The following RNF180 variants were observed in gnomAD, a reference collection of about 807,000 sequenced individuals.
The protein encoded by RNF180 is E3 ubiquitin-protein ligase RNF180.
A neutral mutation model predicts 59.2 loss-of-function variants in RNF180; 38 were observed. The ratio of observed to expected loss-of-function variants is 0.64; its 90% CI spans 0.50 to 0.84. The LOEUF is 0.84. Among genes scored for constraint, RNF180 ranks in the 40% least tolerant of loss-of-function variants. The probability of loss-of-function intolerance (pLI) is 0.00; values close to 1 mark genes in which losing one functional copy is unlikely to be tolerated. For missense variants in RNF180, 705 were observed against 700.9 expected (o/e 1.01, Z -0.07); for synonymous variants, 262 against 240.3 (o/e 1.09, Z -0.84).
At chr5:64,269,982 A>C (rs6899266) in intron 5 of RNF180, among the ~76,000 whole-genome samples, 6,869 of 151,904 alleles carry the variant, frequency 0.045, 505 homozygotes, top group African/African-American at 0.15. Flanking sequence ...TGCCATTCTG[A>C]TATAAGTTAC....
intron 1 of RNF180, among the ~76,000 whole-genome samples, chr5:64,192,980 A>G (rs1176358860): frequency 6.8e-6 from 1 of 146,472 alleles, no homozygotes; most frequent in Non-Finnish European, 1.5e-5. Flanking sequence ...CAATCCTACC[A>G]TTTGTAAAAT....
chr5:64,279,798 A>G (rs1249415855), intron 5 of RNF180, among the ~76,000 whole-genome samples: 4 of 152,174 alleles, frequency 2.6e-5, no homozygotes, highest in Non-Finnish European at 5.9e-5. Flanking sequence ...CCTCAAAAAT[A>G]TAGTCCATTT....
chr5:64,319,253 A>G (rs962326197), intron 5 of RNF180, among the ~76,000 whole-genome samples: 3 of 152,054 alleles, frequency 2.0e-5, no homozygotes, highest in African/African-American at 7.2e-5. Flanking sequence ...TGTGAAGCAT[A>G]TACCACAATA....
intron 5 of RNF180, among the ~76,000 whole-genome samples, chr5:64,316,049 A>AG (rs1744026451): frequency 6.6e-6 from 1 of 152,146 alleles, no homozygotes; most frequent in Non-Finnish European, 1.5e-5. Flanking sequence ...CACAGTGAAA[A>AG]GGGCAAATAA....
At chr5:64,247,628 G>A (rs998712735) in intron 5 of RNF180, among the ~76,000 whole-genome samples, 2 of 152,120 alleles carry the variant, frequency 1.3e-5, no homozygotes, top group Non-Finnish European at 2.9e-5. Context: ...ACAAATGGAA[G>A]AACATTCCAT....
chr5:64,273,543 T>C (rs1255066524), intron 5 of RNF180, among the ~76,000 whole-genome samples: 1 of 151,714 alleles, frequency 6.6e-6, no homozygotes, highest in Non-Finnish European at 1.5e-5. Flanking sequence ...GAATGTTGTA[T>C]CATAAAGATG....
chr5:64,213,055 T>C (rs1371777544), intron 3 of RNF180, among the ~76,000 whole-genome samples: 2 of 152,228 alleles, frequency 1.3e-5, no homozygotes, highest in African/African-American at 4.8e-5. Flanking sequence ...GAAAATGCAC[T>C]GTCTGATGTA....
At chr5:64,233,356 A>G (rs1742210881) in intron 5 of RNF180, among the ~76,000 whole-genome samples, 1 of 152,246 alleles carries the variant, frequency 6.6e-6, no homozygotes, top group Admixed American at 6.5e-5. Flanking sequence ...TTGGCAGGTT[A>G]GATTTCAGCA....
chr5:64,224,972 G>C (rs1237785953), intron 5 of RNF180, among the ~76,000 whole-genome samples: 2 of 152,186 alleles, frequency 1.3e-5, no homozygotes, highest in Non-Finnish European at 2.9e-5. Flanking sequence ...CCTTGACCTT[G>C]GGCTGCTGGC....
intron 2 of RNF180, among the ~76,000 whole-genome samples, chr5:64,202,422 T>C: frequency 6.6e-6 from 1 of 152,208 alleles, no homozygotes; most frequent in Non-Finnish European, 1.5e-5. Flanking sequence ...TCGTTCCAGT[T>C]TTAAGTTATG....
chr5:64,181,642 A>C (rs1388204528), intron 1 of RNF180, among the ~76,000 whole-genome samples: 1 of 152,166 alleles, frequency 6.6e-6, no homozygotes, highest in African/African-American at 2.4e-5. Context: ...CAGAAAAGTG[A>C]TCATGGGTAG....
At chr5:64,215,419 G>T (rs1752565064) in intron 4 of RNF180, among the ~76,000 whole-genome samples, 1 of 151,922 alleles carries the variant, frequency 6.6e-6, no homozygotes, top group South Asian at 2.1e-4. Context: ...TTCTAGTTTT[G>T]ACTCAATGAA....
intron 7 of RNF180, among the ~76,000 whole-genome samples, chr5:64,348,132 A>G (rs936616099): frequency 4.6e-5 from 7 of 152,096 alleles, no homozygotes; most frequent in Non-Finnish European, 5.9e-5. Flanking sequence ...AATAGATTTT[A>G]TAACATAAAT....
intron 5 of RNF180, among the ~76,000 whole-genome samples, chr5:64,255,750 T>G (rs570976731): frequency 5.3e-5 from 8 of 152,356 alleles, no homozygotes; most frequent in African/African-American, 1.7e-4. Context: ...GTATTTCTAG[T>G]TCCAGATCCC....
chr5:64,344,252 T>TTA (rs1223804165), intron 7 of RNF180, among the ~76,000 whole-genome samples: 3 of 152,034 alleles, frequency 2.0e-5, no homozygotes, highest in South Asian at 2.1e-4. Flanking sequence ...GTATAGAAAA[T>TTA]TATATATATG....
chr5:64,205,028 A>T (rs1412756078), intron 2 of RNF180, among the ~76,000 whole-genome samples: 2 of 152,130 alleles, frequency 1.3e-5, no homozygotes, highest in Non-Finnish European at 2.9e-5. Flanking sequence ...AGCCCTGACC[A>T]TTGCCAGGAA....
intron 7 of RNF180, among the ~76,000 whole-genome samples, chr5:64,359,379 T>C (rs1462920332): frequency 7.2e-5 from 11 of 151,938 alleles, no homozygotes; most frequent in African/African-American, 2.7e-4. Flanking sequence ...ATTTCTCTGA[T>C]GGCCAGTGAT....
intron 5 of RNF180, among the ~76,000 whole-genome samples, chr5:64,264,590 A>G (rs966390569): frequency 1.3e-5 from 2 of 152,126 alleles, no homozygotes; most frequent in Non-Finnish European, 2.9e-5. Context: ...ATAATATTCC[A>G]TGGTGTATAT....
intron 2 of RNF180, among the ~76,000 whole-genome samples, chr5:64,202,683 G>A (rs896797493): frequency 2.6e-5 from 4 of 152,208 alleles, no homozygotes; most frequent in South Asian, 4.1e-4. Context: ...ACGTATAGTG[G>A]TATATCATTA....
Sources: gnomAD v4.1 joint callset for allele counts (sites outside exome capture counted in the v4.1 genomes callset) on GRCh38, gnomAD v4.1.1 for gene constraint, MANE v1.5 for transcripts, NCBI Gene and HGNC (gene_info 2026-07-23, HGNC 2026-07-21) for gene names.